The following GSR variants were observed in gnomAD, a reference collection of about 807,000 sequenced individuals.
GSR encodes the protein glutathione reductase, mitochondrial.
In GSR, 48 loss-of-function variants were observed where a neutral mutation model predicts 56.5. The observed-to-expected ratio is 0.85, with a 90% CI of 0.67 to 1.08. GSR has a LOEUF of 1.08. GSR is among the 50% of genes least tolerant of loss of function. The pLI, the probability that GSR is intolerant of heterozygous loss-of-function variation, is 0.00. For synonymous variants in GSR, 264 were observed against 270.8 expected (o/e 0.97, Z 0.25); for missense variants, 694 against 703.3 (o/e 0.99, Z 0.15).
chr8:30,699,972 G>A (rs1351377234), intron 6 of GSR, 109 bp downstream of exon 6: 6 of 808,160 alleles, frequency 7.4e-6, no homozygotes, highest in African/African-American at 1.7e-5. Flanking sequence ...GTAAGAGGAG[G>A]GAATTCAGGA....
chr8:30,698,991 A>G (rs1803638459), intron 6 of GSR, among the ~76,000 whole-genome samples: 1 of 152,198 alleles, frequency 6.6e-6, no homozygotes, highest in Admixed American at 6.6e-5. Flanking sequence ...TTGCCCCTCT[A>G]TGAATCTAAA....
intron 1 of GSR, among the ~76,000 whole-genome samples, chr8:30,717,978 G>A (rs1256023200): frequency 2.0e-5 from 3 of 151,890 alleles, no homozygotes; most frequent in African/African-American, 7.3e-5. Flanking sequence ...GTGGGTGCCT[G>A]TAATCCCAGC....
At chr8:30,708,221 C>T in intron 3 of GSR, 80 bp from the exon 4 acceptor site, 1 of 999,364 alleles carries the variant, frequency 1.0e-6, no homozygotes, top group Non-Finnish European at 1.6e-6. Flanking sequence ...TCCCTGAACA[C>T]CCCGAGCAGA....
At chr8:30,690,374 G>A (rs1803341784) in intron 8 of GSR, among the ~76,000 whole-genome samples, 1 of 151,878 alleles carries the variant, frequency 6.6e-6, no homozygotes, top group Non-Finnish European at 1.5e-5. Flanking sequence ...TGCCCAGGCT[G>A]GTCTCTAACT....
intron 6 of GSR, among the ~76,000 whole-genome samples, chr8:30,699,500 C>T (rs1291553349): frequency 6.6e-6 from 1 of 151,886 alleles, no homozygotes; most frequent in Non-Finnish European, 1.5e-5. Flanking sequence ...TTCTTTCTTT[C>T]TTGGTGTGAT....
At chr8:30,684,910 G>A (rs1803103853) in intron 9 of GSR, among the ~76,000 whole-genome samples, 1 of 151,152 alleles carries the variant, frequency 6.6e-6, no homozygotes, top group African/African-American at 2.4e-5. Context: ...CATCACACCT[G>A]GATAATTTTT....
In GSR at chr8:30,700,063, C is replaced by T; in HGVS notation, c.695+18G>A. 6.3e-7 allele frequency: 1 copy of T among 1,591,128 alleles called. No individual in the cohort carries two copies. The highest frequency in any genetic ancestry group is 8.6e-7 in the Non-Finnish European group (1 of 1,159,222). ...GTAAGGAAGAATGAGTCACTGAGGT[C>T]AGGTCAGGTTGGCTTACCCGGGCAA... On this transcript the variant is annotated intron_variant, in intron 6 of 12. Coordinates refer to ENST00000221130, the MANE Select transcript of GSR (RefSeq NM_000637.5).
At chr8:30,686,221 T>A (rs140905963) in intron 9 of GSR, among the ~76,000 whole-genome samples, 1 of 152,130 alleles carries the variant, frequency 6.6e-6, no homozygotes, top group East Asian at 1.9e-4. Context: ...TTATCTAGTA[T>A]CTCTGTGCTC....
intron 9 of GSR, among the ~76,000 whole-genome samples, chr8:30,688,731 C>A (rs1459435987): frequency 6.6e-6 from 1 of 151,680 alleles, no homozygotes; most frequent in Non-Finnish European, 1.5e-5. Context: ...CCAGCCTGGG[C>A]AACATGGTGA....
intron 1 of GSR, among the ~76,000 whole-genome samples, 189 bp downstream of exon 1, chr8:30,727,341 A>G (rs952213297): frequency 8.5e-5 from 13 of 152,200 alleles, no homozygotes; most frequent in Non-Finnish European, 1.6e-4. Context: ...CGGGCCGCAG[A>G]GAAGCCCCCG....
At chr8:30,711,263 A>G (rs1466047579) in intron 2 of GSR, among the ~76,000 whole-genome samples, 3 of 152,228 alleles carry the variant, frequency 2.0e-5, no homozygotes, top group African/African-American at 7.2e-5. Flanking sequence ...AGATTACAAC[A>G]TATGTTGAAA....
chr8:30,682,886 G>C (rs1803006168), intron 10 of GSR, among the ~76,000 whole-genome samples: 1 of 151,360 alleles, frequency 6.6e-6, no homozygotes, highest in Non-Finnish European at 1.5e-5. Context: ...GGAGAGCAGT[G>C]GCGCCATCTC....
chr8:30,703,264 G>A (rs777898088), intron 4 of GSR, 24 bp from the exon 5 acceptor site: 2 of 1,609,506 alleles, frequency 1.2e-6, no homozygotes, highest in Non-Finnish European at 1.7e-6. Flanking sequence ...CATGACATTA[G>A]CCTGTTCTTA....
chr8:30,719,583 T>C (rs1804460013), intron 1 of GSR, among the ~76,000 whole-genome samples: 1 of 151,970 alleles, frequency 6.6e-6, no homozygotes, highest in Admixed American at 6.6e-5. Context: ...GTTCAGTAAA[T>C]ACATCATCAA....
intron 8 of GSR, among the ~76,000 whole-genome samples, chr8:30,692,382 G>A (rs545663324): frequency 6.6e-4 from 99 of 150,916 alleles, no homozygotes; most frequent in African/African-American, 2.3e-3. Context: ...TTTTGGTAGA[G>A]ATGGAGTTTC....
At chr8:30,720,070 C>T (rs1002440804) in intron 1 of GSR, among the ~76,000 whole-genome samples, 6 of 151,826 alleles carry the variant, frequency 4.0e-5, no homozygotes, top group Non-Finnish European at 5.9e-5. Context: ...AAAAATTAGC[C>T]GGGTGTGGTG....
chr8:30,723,790 AC>A (rs1472771047), intron 1 of GSR, among the ~76,000 whole-genome samples: 1 of 16,956 alleles, frequency 5.9e-5, no homozygotes, highest in Admixed American at 2.1e-3. Context: ...ACAAACACAC[AC>A]ACACACACAC....
At chr8:30,707,953 T>C (rs1803972257) in intron 4 of GSR, 119 bp downstream of exon 4, 1 of 615,506 alleles carries the variant, frequency 1.6e-6, no homozygotes, top group African/African-American at 1.9e-5. Flanking sequence ...CGAGACCCTG[T>C]CTCCAAAAAA....
rs1445742450 is a variant in GSR at position 30,708,140 on chromosome 8, C to A, written c.424G>T (p.Val142Phe). Residue 142 changes from valine to phenylalanine, a missense_variant and splice_region_variant, in exon 4 of 13, where the codon GTT becomes TTT. Coordinates refer to ENST00000221130, the MANE Select transcript of GSR (RefSeq NM_000637.5). ...PSCEGKFNWR[V>F]IKEKRDAYVS... ...TAGGCATCCCGCTTTTCCTTAATAA[C>A]ACTGCAATGAAACCCAAGTCAGTAT... 1 of 1,608,488 alleles carries A rather than the reference C, an allele frequency of 6.2e-7. No individual in the cohort carries two copies. Among genetic ancestry groups the A allele is most frequent in the South Asian group, 1.1e-5 (1 of 90,956 alleles).
Sources: gnomAD v4.1 joint callset for allele counts (sites outside exome capture counted in the v4.1 genomes callset) on GRCh38, gnomAD v4.1.1 for gene constraint, MANE v1.5 for transcripts, NCBI Gene and HGNC (gene_info 2026-07-23, HGNC 2026-07-21) for gene names.